KYNU: variants seen among roughly 807,000 people sequenced by gnomAD.
KYNU encodes L-kynurenine hydrolase.
Under a neutral mutation model 59.2 loss-of-function variants are expected in KYNU, and 54 were observed. The observed-to-expected ratio is 0.91, with a 90% CI of 0.73 to 1.14. The LOEUF (loss-of-function observed/expected upper bound fraction) is 1.14, where lower values mean the gene tolerates loss of function less well. Among genes scored for constraint, KYNU ranks in the 50% most tolerant of loss-of-function variants. The pLI is 0.00. For synonymous variants in KYNU, 177 were observed against 192.0 expected (o/e 0.92, Z 0.65); for missense variants, 567 against 554.4 (o/e 1.02, Z -0.23).
At chr2:142,983,220 T>G in intron 8 of KYNU, among the ~76,000 whole-genome samples, 1 of 152,042 alleles carries the variant, frequency 6.6e-6, no homozygotes, top group East Asian at 1.9e-4. Flanking sequence ...GTGAGGATGA[T>G]TATGCTCCAC....
chr2:142,922,597 C>G (rs1390432181), intron 3 of KYNU, among the ~76,000 whole-genome samples: 1 of 152,184 alleles, frequency 6.6e-6, no homozygotes, highest in Non-Finnish European at 1.5e-5. Context: ...AAATCTCTGT[C>G]TATCCAAGTA....
intron 4 of KYNU, among the ~76,000 whole-genome samples, chr2:142,932,223 G>C (rs1683244827): frequency 6.6e-6 from 1 of 152,192 alleles, no homozygotes; most frequent in Admixed American, 6.5e-5. Flanking sequence ...GACATGGAAA[G>C]AGTTGTGGAG....
In KYNU at chr2:143,048,080, G is replaced by A. The variant is rs1687197342; in HGVS notation, c.*5908G>A. 6.6e-6 allele frequency: 1 copy of A among 151,972 alleles called. No individual in the cohort carries two copies. Among genetic ancestry groups the A allele is most frequent in the African/African-American group, 2.4e-5 (1 of 41,386 alleles). 9.4% of individuals were successfully genotyped at this position (151,972 alleles called of 1,614,324 possible). ...GGCTGGTATCAAACTCCTGACTTCAGGTGATCCGCCCACTTTGACCTTCCA... is the reference window on the plus strand; with the variant it reads ...GGCTGGTATCAAACTCCTGACTTCAAGTGATCCGCCCACTTTGACCTTCCA... On this transcript the variant is annotated 3_prime_UTR_variant, in exon 14 of 14. Coordinates refer to ENST00000264170, the MANE Select transcript of KYNU (RefSeq NM_003937.3).
At chr2:142,991,995 A>G (rs891930897) in intron 10 of KYNU, among the ~76,000 whole-genome samples, 5 of 151,986 alleles carry the variant, frequency 3.3e-5, no homozygotes, top group Admixed American at 2.6e-4. Flanking sequence ...AAGTAGCAGC[A>G]TCTATCTCTA....
intron 10 of KYNU, among the ~76,000 whole-genome samples, chr2:143,028,025 G>T (rs1686625430): frequency 2.6e-5 from 4 of 151,716 alleles, no homozygotes; most frequent in African/African-American, 9.7e-5. Context: ...AAAACATTTT[G>T]TCATCTCCCA....
intron 11 of KYNU, among the ~76,000 whole-genome samples, chr2:143,031,034 C>T (rs1306978747): frequency 6.6e-6 from 1 of 152,172 alleles, no homozygotes; most frequent in African/African-American, 2.4e-5. Flanking sequence ...TTAAGATGTA[C>T]TGCTTTTGTA....
intron 10 of KYNU, among the ~76,000 whole-genome samples, chr2:143,025,153 A>T (rs1686516010): frequency 6.6e-6 from 1 of 152,088 alleles, no homozygotes; most frequent in African/African-American, 2.4e-5. Flanking sequence ...GGCTTTTTCC[A>T]AACGCATGGA....
intron 8 of KYNU, among the ~76,000 whole-genome samples, chr2:142,973,029 C>T (rs867602400): frequency 1.7e-4 from 25 of 145,636 alleles, no homozygotes; most frequent in Middle Eastern, 7.2e-3. Context: ...TATATATATA[C>T]ACACACACAC....
chr2:142,883,007 T>C (rs534135824), intron 1 of KYNU, among the ~76,000 whole-genome samples: 198 of 152,244 alleles, frequency 1.3e-3, no homozygotes, highest in African/African-American at 4.6e-3. Flanking sequence ...TCCTGACTTT[T>C]TAATGATCGC....
intron 2 of KYNU, among the ~76,000 whole-genome samples, chr2:142,905,586 C>A (rs865982107): frequency 1.3e-5 from 2 of 152,168 alleles, no homozygotes; most frequent in Middle Eastern, 3.2e-3. Context: ...AATAGAATAG[C>A]CCGATACTTT....
intron 10 of KYNU, among the ~76,000 whole-genome samples, chr2:143,025,526 C>G (rs141330334): frequency 6.6e-6 from 1 of 152,232 alleles, no homozygotes; most frequent in East Asian, 1.9e-4. Flanking sequence ...AATGTAACCA[C>G]TGCTCTGAAA....
At chr2:143,038,617 G>T (rs921967738) in intron 12 of KYNU, among the ~76,000 whole-genome samples, 4 of 152,064 alleles carry the variant, frequency 2.6e-5, no homozygotes, top group Admixed American at 6.6e-5. Context: ...GACATTGTCT[G>T]GGAGTTGTGG....
chr2:143,037,180 A>G (rs1015783699), intron 12 of KYNU, among the ~76,000 whole-genome samples: 1 of 152,154 alleles, frequency 6.6e-6, no homozygotes, highest in Non-Finnish European at 1.5e-5. Flanking sequence ...GAGGCCAGGA[A>G]CCTGGTGGCA....
chr2:143,026,474 C>A (rs918957048), intron 10 of KYNU, among the ~76,000 whole-genome samples: 8 of 152,190 alleles, frequency 5.3e-5, no homozygotes, highest in African/African-American at 1.9e-4. Context: ...AGTGCACGAG[C>A]GAACGAGTAC....
chr2:143,007,689 T>C (rs1294796640), intron 10 of KYNU, among the ~76,000 whole-genome samples: 1 of 119,748 alleles, frequency 8.4e-6, no homozygotes, highest in Non-Finnish European at 1.7e-5. Context: ...GGGAAGCCCA[T>C]CAGACTAACA....
At chr2:142,988,252 A>G (rs145722317) in intron 10 of KYNU, among the ~76,000 whole-genome samples, 1 of 151,964 alleles carries the variant, frequency 6.6e-6, no homozygotes, top group Non-Finnish European at 1.5e-5. Context: ...CTGACCCCTA[A>G]GTACTTCGTT....
rs1311839073 is a variant in KYNU at position 142,986,040 on chromosome 2, TA to T, written c.902+21del. On this transcript the variant is annotated intron_variant, in intron 10 of 13. Coordinates refer to ENST00000264170, the MANE Select transcript of KYNU (RefSeq NM_003937.3). Reference sequence around the variant, plus strand: ...AACCTGCGTGAGTACCATCTTCAGCTAATTCTTTGGTGATGAACAAATTAAT... The same window carrying T: ...AACCTGCGTGAGTACCATCTTCAGCTATTCTTTGGTGATGAACAAATTAAT... 1.9e-6 allele frequency: 3 copies of T among 1,574,660 alleles called. No individual in the cohort carries two copies. The highest frequency in any genetic ancestry group is 2.6e-6 in the Non-Finnish European group (3 of 1,144,924).
chr2:142,960,660 G>A lies in KYNU; in HGVS notation c.619G>A (p.Val207Ile). 6.2e-7 allele frequency: 1 copy of A among 1,613,892 alleles called. No homozygotes were observed. The highest frequency in any genetic ancestry group is 1.3e-5 in the African/African-American group (1 of 75,010). ...CTTAAGAATAGAGGATATCCTTGAA[G>A]TAATTGAGAAGGAAGGAGACTCAAT... ...ETLRIEDILE[V>I]IEKEGDSIAV... The change falls in exon 8 of 14, where the codon GTA becomes ATA. Residue 207 changes from valine to isoleucine, a missense_variant. Val to Ile is a conservative substitution (Grantham distance 29, BLOSUM62 3). Coordinates refer to ENST00000264170, the MANE Select transcript of KYNU (RefSeq NM_003937.3).
At chr2:143,013,676 T>TA (rs544520083) in intron 10 of KYNU, among the ~76,000 whole-genome samples, 3 of 152,242 alleles carry the variant, frequency 2.0e-5, no homozygotes, top group Non-Finnish European at 4.4e-5. Context: ...AACTTCTAGG[T>TA]AAGCTTAGTG....
Sources: allele counts gnomAD v4.1 joint callset (sites outside exome capture counted in the v4.1 genomes callset), GRCh38; gene constraint gnomAD v4.1.1; transcripts MANE v1.5; gene names NCBI Gene and HGNC (gene_info 2026-07-23, HGNC 2026-07-21).